The following PLCXD1 variants were observed in gnomAD, a reference collection of about 807,000 sequenced individuals.
PLCXD1 encodes PI-PLC X domain-containing protein 1.
PLCXD1 carries 45 observed loss-of-function variants against 37.8 expected under a neutral mutation model. That is an observed-to-expected ratio of 1.19 (90% CI 0.94 to 1.53). The LOEUF is 1.53. PLCXD1 is among the 40% of genes most tolerant of loss of function. The probability of loss-of-function intolerance (pLI) is 0.00; values close to 1 mark genes in which losing one functional copy is unlikely to be tolerated. For missense variants in PLCXD1, 539 were observed against 454.7 expected (o/e 1.19, Z -1.69); for synonymous variants, 246 against 206.9 (o/e 1.19, Z -1.62).
intron 2 of PLCXD1, among the ~76,000 whole-genome samples, chrX:285,758 T>G (rs992935500): frequency 2.0e-5 from 3 of 152,078 alleles, no homozygotes; most frequent in African/African-American, 7.2e-5. Flanking sequence ...CACATACACA[T>G]GCACACAGAT....
chrX:282,011 G>A (rs367924252), intron 1 of PLCXD1, among the ~76,000 whole-genome samples: 2 of 152,070 alleles, frequency 1.3e-5, no homozygotes, highest in African/African-American at 4.8e-5. Flanking sequence ...GCCTCCCAAA[G>A]TGATGGGATG....
chrX:294,140 C>T (rs1201825122), intron 6 of PLCXD1, among the ~76,000 whole-genome samples: 1 of 151,930 alleles, frequency 6.6e-6, no homozygotes, highest in Non-Finnish European at 1.5e-5. Flanking sequence ...AGTTTGGAGA[C>T]CAGCCTGGCC....
intron 1 of PLCXD1, among the ~76,000 whole-genome samples, chrX:281,957 A>G (rs972244225): frequency 3.3e-5 from 5 of 151,986 alleles, no homozygotes; most frequent in African/African-American, 1.2e-4. Flanking sequence ...CATGTTGGCC[A>G]GGCTGGTCTC....
Position 301,992 on chromosome X carries a change from C to G in PLCXD1, c.*2657C>G, listed in dbSNP as rs776140297. ...GTCCCAGCCCAGTAGAGCCAGCCCC[C>G]CAGCCCGGAGTGCTACTGAAGTGTT... On this transcript the variant is annotated 3_prime_UTR_variant, in exon 7 of 7. Transcript: ENST00000381657. 1 of 152,470 alleles carries G rather than the reference C, an allele frequency of 6.6e-6. No homozygotes were observed. Among genetic ancestry groups the G allele is most frequent in the African/African-American group, 2.4e-5 (1 of 41,568 alleles). 9.4% of individuals were successfully genotyped at this position (152,470 alleles called of 1,614,324 possible).
chrX:276,903 CTGGGACG>C (rs2069167901), upstream of PLCXD1, among the ~76,000 whole-genome samples: 1 of 152,198 alleles, frequency 6.6e-6, no homozygotes, highest in Non-Finnish European at 1.5e-5. Context: ...ACTCACGCCT[CTGGGACG>C]TGAGTCTCCC....
At chrX:285,834 C>T (rs2069437965) in intron 2 of PLCXD1, among the ~76,000 whole-genome samples, 1 of 152,082 alleles carries the variant, frequency 6.6e-6, no homozygotes, top group African/African-American at 2.4e-5. Context: ...TTCCTTGAGC[C>T]ACATTTGAGG....
In PLCXD1 at chrX:299,253, A is replaced by G. The variant is rs761669263; in HGVS notation, c.890A>G (p.Asn297Ser). 34 of 1,613,918 alleles carry G rather than the reference A, an allele frequency of 2.1e-5. No homozygotes were observed. In the South Asian group the frequency reaches 2.7e-4, roughly 13 times the overall value. Residue 297 changes from asparagine (N) to serine (S), a missense_variant, in exon 7 of 7, where the codon AAC becomes AGC. Physicochemically the swap from Asn to Ser is conservative, Grantham distance 46 (BLOSUM62 1). Coordinates refer to ENST00000381657, the MANE Select transcript of PLCXD1 (RefSeq NM_018390.4). ...CCGGGGCCGGGTTCACGGTGCACCA[A>G]CATCATCGCGGGGGACTTCATCGGC... is the stretch of plus-strand genomic sequence containing the variant. The part of the protein sequence containing the change: ...QCPGPGSRCT[N>S]IIAGDFIGAD...
upstream of PLCXD1, among the ~76,000 whole-genome samples, chrX:278,782 C>T (rs187702602): frequency 2.4e-4 from 26 of 106,374 alleles, no homozygotes; most frequent in East Asian, 8.0e-3. Flanking sequence ...GTTGAGGACG[C>T]GCCTGTGACC....
rs752771178 is a variant in PLCXD1, at chrX:293,209, G to T, written c.724G>T (p.Gly242Cys). 6.2e-7 allele frequency: 1 copy of T among 1,609,190 alleles called. No homozygotes were observed. The highest frequency in any genetic ancestry group is 8.5e-7 in the Non-Finnish European group (1 of 1,177,552). Residue 242 changes from glycine to cysteine, a missense_variant, in exon 6 of 7, where the codon GGC becomes TGC. Coordinates refer to ENST00000381657, the MANE Select transcript of PLCXD1 (RefSeq NM_018390.4). ...IRYLETMKSC[G>C]RPGGLFVAGI... Reference sequence around the variant, plus strand: ...ATACCTGGAGACCATGAAGAGCTGCGGCCGCCCAGGTACCAGGTCGCCCCT... The same window carrying T: ...ATACCTGGAGACCATGAAGAGCTGCTGCCGCCCAGGTACCAGGTCGCCCCT...
intron 4 of PLCXD1, among the ~76,000 whole-genome samples, chrX:291,286 C>T (rs1411701232): frequency 1.3e-5 from 2 of 152,030 alleles, no homozygotes; most frequent in Admixed American, 6.6e-5. Flanking sequence ...GCTGGGATTA[C>T]AGACGCCGGA....
chrX:289,758 G>T (rs758967398), intron 3 of PLCXD1, among the ~76,000 whole-genome samples: 5 of 151,584 alleles, frequency 3.3e-5, no homozygotes, highest in African/African-American at 4.8e-5. Context: ...TGATCCACCC[G>T]CCTCAGCCTC....
chrX:285,743 G>A (rs1255328659), intron 2 of PLCXD1, among the ~76,000 whole-genome samples: 9 of 151,968 alleles, frequency 5.9e-5, no homozygotes, highest in Non-Finnish European at 1.0e-4. Flanking sequence ...ATAGGCATAC[G>A]GACACACATA....
upstream of PLCXD1, among the ~76,000 whole-genome samples, chrX:278,477 G>A (rs1228203759): frequency 4.6e-5 from 7 of 152,230 alleles, no homozygotes; most frequent in African/African-American, 9.6e-5. Context: ...GGTGGCTCAC[G>A]CCTGTCATCC....
intron 1 of PLCXD1, among the ~76,000 whole-genome samples, chrX:282,661 C>T (rs183461858): frequency 2.0e-4 from 30 of 149,368 alleles, no homozygotes; most frequent in African/African-American, 5.4e-4. Context: ...GCCGCGATCG[C>T]GCCATTGCAG....
At chrX:277,372 G>T (rs868263349), upstream of PLCXD1, among the ~76,000 whole-genome samples, 784 of 100,680 alleles carry the variant, frequency 7.8e-3, 26 homozygotes, top group Non-Finnish European at 0.013. Flanking sequence ...GGGACAGGAG[G>T]GGACACCCCT....
At chrX:297,119 T>C (rs1257856422) in intron 6 of PLCXD1, among the ~76,000 whole-genome samples, 11 of 40,676 alleles carry the variant, frequency 2.7e-4, no homozygotes, top group South Asian at 5.5e-4. Context: ...GGGACATTAT[T>C]CTGTCTATCA....
At chrX:277,261 GGGAA>G (rs2069175583), upstream of PLCXD1, among the ~76,000 whole-genome samples, 1 of 111,606 alleles carries the variant, frequency 9.0e-6, no homozygotes. Context: ...AGGGGTCAGG[GGGAA>G]CGTGGGGACA....
At chrX:282,492 G>A (rs2069302160) in intron 1 of PLCXD1, among the ~76,000 whole-genome samples, 3 of 151,840 alleles carry the variant, frequency 2.0e-5, no homozygotes, top group Non-Finnish European at 4.4e-5. Flanking sequence ...ATCACCTGAG[G>A]TCAGGAGTTC....
chrX:291,116 C>T (rs1163067604), intron 4 of PLCXD1, among the ~76,000 whole-genome samples: 1 of 152,048 alleles, frequency 6.6e-6, no homozygotes, highest in Non-Finnish European at 1.5e-5. Context: ...GACACTGACC[C>T]CGCCAATCCG....
Sources: allele counts gnomAD v4.1 joint callset (sites outside exome capture counted in the v4.1 genomes callset), GRCh38; gene constraint gnomAD v4.1.1; transcripts MANE v1.5; gene names NCBI Gene and HGNC (gene_info 2026-07-23, HGNC 2026-07-21).